FHIT: variants seen among roughly 807,000 people sequenced by gnomAD.
FHIT encodes fragile histidine triad diadenosine triphosphatase.
A neutral mutation model predicts 17.9 loss-of-function variants in FHIT; 19 were observed. That is an observed-to-expected ratio of 1.06 (90% CI 0.74 to 1.56). FHIT has a LOEUF of 1.56. FHIT is among the 40% of genes most tolerant of loss of function. The pLI is 0.00. For missense variants in FHIT, 248 were observed against 189.2 expected, an observed-to-expected ratio of 1.31 and a Z score of -1.82; for synonymous variants, 81 against 69.7, an observed-to-expected ratio of 1.16 and a Z score of -0.81.
chr3:60,438,577 T>A (rs545907041), intron 5 of FHIT, among the ~76,000 whole-genome samples: 1 of 152,168 alleles, frequency 6.6e-6, no homozygotes, highest in South Asian at 2.1e-4. Context: ...CTGTGTCTTG[T>A]TTAATTTCTT....
At chr3:60,446,151 A>G (rs528530299) in intron 5 of FHIT, among the ~76,000 whole-genome samples, 118 of 152,252 alleles carry the variant, frequency 7.8e-4, no homozygotes, top group Non-Finnish European at 1.4e-3. Flanking sequence ...CATTACTGGG[A>G]GAACTGCAAC....
chr3:60,893,340 G>T (rs1483431063), intron 3 of FHIT, among the ~76,000 whole-genome samples: 1 of 152,122 alleles, frequency 6.6e-6, no homozygotes, highest in Non-Finnish European at 1.5e-5. Context: ...CCTTATGAAT[G>T]CTCTAGTGAC....
intron 8 of FHIT, among the ~76,000 whole-genome samples, chr3:59,912,657 G>T (rs1704935411): frequency 6.6e-6 from 1 of 152,154 alleles, no homozygotes; most frequent in South Asian, 2.1e-4. Context: ...CAATAACTCT[G>T]AAGAGCTTAC....
intron 4 of FHIT, among the ~76,000 whole-genome samples, chr3:60,710,588 T>C (rs553967091): frequency 3.7e-4 from 57 of 152,280 alleles, no homozygotes; most frequent in African/African-American, 1.2e-3. Context: ...GCTTTTCCGA[T>C]GGGCTTAGGA....
intron 5 of FHIT, among the ~76,000 whole-genome samples, chr3:60,311,015 G>C (rs1345858292): frequency 2.6e-5 from 4 of 152,092 alleles, no homozygotes; most frequent in South Asian, 2.1e-4. Flanking sequence ...ACTAATTTCA[G>C]TAAATGGAGC....
chr3:59,844,875 G>A (rs1222960139), intron 8 of FHIT, among the ~76,000 whole-genome samples: 2 of 152,086 alleles, frequency 1.3e-5, no homozygotes, highest in Admixed American at 1.3e-4. Context: ...AAAAAGATCG[G>A]TTTAGTTGTT....
chr3:60,632,032 T>C (rs2039456696), intron 4 of FHIT, among the ~76,000 whole-genome samples: 1 of 152,092 alleles, frequency 6.6e-6, no homozygotes, highest in South Asian at 2.1e-4. Flanking sequence ...TGTGCCAGTC[T>C]CTAGATTCAA....
intron 8 of FHIT, among the ~76,000 whole-genome samples, chr3:59,853,845 A>T (rs531164654): frequency 3.9e-5 from 6 of 152,310 alleles, no homozygotes; most frequent in African/African-American, 1.4e-4. Context: ...ATACTTATTG[A>T]GAGTCTAGAG....
intron 3 of FHIT, among the ~76,000 whole-genome samples, chr3:60,889,161 C>T (rs1468666333): frequency 6.6e-6 from 1 of 152,176 alleles, no homozygotes; most frequent in Non-Finnish European, 1.5e-5. Flanking sequence ...CGCTGCATAA[C>T]CATTTTTTTT....
chr3:60,161,996 A>G (rs1700962242), intron 5 of FHIT, among the ~76,000 whole-genome samples: 1 of 152,178 alleles, frequency 6.6e-6, no homozygotes, highest in African/African-American at 2.4e-5. Flanking sequence ...GGACGTTGGA[A>G]AGAATTTTCA....
chr3:60,789,236 T>C, intron 4 of FHIT, among the ~76,000 whole-genome samples: 1 of 146,780 alleles, frequency 6.8e-6, no homozygotes. Flanking sequence ...AATACGAAGG[T>C]TGGCCAGGTG....
chr3:61,160,397 C>T (rs2037654438), intron 2 of FHIT, among the ~76,000 whole-genome samples: 1 of 152,082 alleles, frequency 6.6e-6, no homozygotes, highest in African/African-American at 2.4e-5. Context: ...AAAGATAGGA[C>T]GTTGGAAATT....
At chr3:59,826,858 A>AT (rs1236460545) in intron 8 of FHIT, among the ~76,000 whole-genome samples, 5 of 152,144 alleles carry the variant, frequency 3.3e-5, no homozygotes, top group South Asian at 2.1e-4. Flanking sequence ...GAATAAAACC[A>AT]TTTTTTTACA....
At chr3:60,710,074 TAAA>T (rs782196858) in intron 4 of FHIT, among the ~76,000 whole-genome samples, 5 of 80,592 alleles carry the variant, frequency 6.2e-5, no homozygotes, top group Admixed American at 1.3e-4. Context: ...CACAGAATGC[TAAA>T]AAAAAAAAAA....
chr3:60,157,327 G>A (rs369755898), intron 5 of FHIT, among the ~76,000 whole-genome samples: 73 of 152,242 alleles, frequency 4.8e-4, no homozygotes, highest in African/African-American at 1.1e-3. Context: ...TAAATCTACC[G>A]CAACGTGGAA....
chr3:60,439,187 G>A (rs1280938796), intron 5 of FHIT, among the ~76,000 whole-genome samples: 1 of 152,046 alleles, frequency 6.6e-6, no homozygotes, highest in African/African-American at 2.4e-5. Flanking sequence ...GGTGCACAGT[G>A]GGTAACATTT....
At chr3:60,195,156 G>T (rs1037747152) in intron 5 of FHIT, among the ~76,000 whole-genome samples, 1 of 151,798 alleles carries the variant, frequency 6.6e-6, no homozygotes, top group African/African-American at 2.4e-5. Context: ...ACAAGAATGA[G>T]ACTTTGTCTC....
chr3:59,771,487 T>G (rs571432901), intron 8 of FHIT, among the ~76,000 whole-genome samples: 2 of 152,336 alleles, frequency 1.3e-5, no homozygotes, highest in Non-Finnish European at 2.9e-5. Flanking sequence ...CTATTACATT[T>G]GGGGTATGTT....
At chr3:60,121,082 A>AC (rs1705224759) in intron 5 of FHIT, among the ~76,000 whole-genome samples, 1 of 152,086 alleles carries the variant, frequency 6.6e-6, no homozygotes, top group Non-Finnish European at 1.5e-5. Context: ...CATTTAAAAA[A>AC]CTTTTTTTAA....
Sources: gnomAD v4.1 joint callset for allele counts (sites outside exome capture counted in the v4.1 genomes callset) on GRCh38, gnomAD v4.1.1 for gene constraint, MANE v1.5 for transcripts, NCBI Gene and HGNC (gene_info 2026-07-23, HGNC 2026-07-21) for gene names.